Variants in RIN3 observed in about 807,000 individuals in gnomAD.
RIN3 encodes Ras and Rab interactor 3.
Under a neutral mutation model 76.3 loss-of-function variants are expected in RIN3, and 54 were observed. The ratio of observed to expected loss-of-function variants is 0.71; its 90% CI spans 0.57 to 0.89. The LOEUF (loss-of-function observed/expected upper bound fraction) is 0.89, where lower values mean the gene tolerates loss of function less well. Ranked by LOEUF, RIN3 falls within the 40% of genes least tolerant of loss-of-function variation. The pLI is 0.00. For synonymous variants in RIN3, 576 were observed against 564.0 expected (o/e 1.02, Z -0.30); for missense variants, 1,256 against 1,322.1 (o/e 0.95, Z 0.78).
At chr14:92,627,738 G>A (rs72699835) in intron 4 of RIN3, among the ~76,000 whole-genome samples, 15,220 of 152,274 alleles carry the variant, frequency 0.1, 969 homozygotes, top group Middle Eastern at 0.2. Context: ...AAGGCAGTGG[G>A]TCACGTCTCC....
At chr14:92,526,042 G>A (rs1484560981) in intron 1 of RIN3, among the ~76,000 whole-genome samples, 1 of 152,174 alleles carries the variant, frequency 6.6e-6, no homozygotes, top group Non-Finnish European at 1.5e-5. Flanking sequence ...TGCAGGCTCC[G>A]TGTGCCTGTC....
At chr14:92,609,651 C>A (rs569685439) in intron 3 of RIN3, among the ~76,000 whole-genome samples, 2 of 152,222 alleles carry the variant, frequency 1.3e-5, no homozygotes, top group Non-Finnish European at 2.9e-5. Flanking sequence ...GTCTCCTGGG[C>A]AGTAGGTGGC....
chr14:92,551,017 CCTTA>C (rs746174731), intron 1 of RIN3, among the ~76,000 whole-genome samples: 25 of 152,260 alleles, frequency 1.6e-4, no homozygotes, highest in Non-Finnish European at 3.4e-4. Flanking sequence ...CATGAATGCA[CCTTA>C]CTTTTTAATG....
chr14:92,607,716 C>T (rs1427065548), intron 3 of RIN3, among the ~76,000 whole-genome samples: 1 of 152,236 alleles, frequency 6.6e-6, no homozygotes, highest in Non-Finnish European at 1.5e-5. Context: ...CAGAAACTTA[C>T]ATGCCAATGT....
chr14:92,645,118 G>A (rs766779227), intron 5 of RIN3: 1 of 152,266 alleles, frequency 6.6e-6, no homozygotes, highest in African/African-American at 2.4e-5. Context: ...TGCTGACTCA[G>A]GTTCCTACTC....
chr14:92,540,614 G>C lies in RIN3; in HGVS notation c.45-15137G>C, dbSNP rs116233886. Among the ~76,000 whole-genome samples the C allele has an allele frequency of 2.1e-3, 317 of 152,284 alleles. 1 individual carries two copies. The highest frequency in any genetic ancestry group is 7.2e-3 in the African/African-American group (299 of 41,558). On this transcript the variant is annotated intron_variant, in intron 1 of 9. Coordinates refer to ENST00000216487, the MANE Select transcript of RIN3 (RefSeq NM_024832.5). Reference sequence around the variant, plus strand: ...AGCCTGGAACTGTGTTTTTGTTTCTGTATGCACCAAAGCCTGGGCCAGAGG... The same window carrying C: ...AGCCTGGAACTGTGTTTTTGTTTCTCTATGCACCAAAGCCTGGGCCAGAGG...
At position 92,648,623 on chromosome 14, in the gene RIN3, A is replaced by T. The variant is rs1887287432; in HGVS notation, c.533-2959A>T. Among the ~76,000 whole-genome samples the T allele has an allele frequency of 6.6e-6, 1 of 152,218 alleles. No individual in the cohort carries two copies. The highest frequency in any genetic ancestry group is 2.4e-5 in the African/African-American group (1 of 41,446). On this transcript the variant is annotated intron_variant, in intron 5 of 9. Coordinates refer to ENST00000216487, the MANE Select transcript of RIN3 (RefSeq NM_024832.5). This position sits in a 1 kb window ranked among gnomAD's most constrained non-coding sequence, Gnocchi z 4.1. ...TCCACTCATGGGTGCCAAGGGGCTGACACTGGGCCCCTGCTCTGGGCCAAG... is the reference window on the plus strand; with the variant it reads ...TCCACTCATGGGTGCCAAGGGGCTGTCACTGGGCCCCTGCTCTGGGCCAAG...
intron 5 of RIN3, among the ~76,000 whole-genome samples, chr14:92,650,470 G>A (rs1362340800): frequency 6.6e-6 from 1 of 152,244 alleles, no homozygotes; most frequent in African/African-American, 2.4e-5. Context: ...TATCCTTGAT[G>A]TTATTTTCCA....
At chr14:92,592,884 G>T (rs1205354196) in intron 3 of RIN3, among the ~76,000 whole-genome samples, 4 of 151,956 alleles carry the variant, frequency 2.6e-5, no homozygotes, top group Non-Finnish European at 5.9e-5. Context: ...ATGTTGGCCA[G>T]GCTGGTCTCG....
At chr14:92,547,951 G>T (rs146874146) in intron 1 of RIN3, among the ~76,000 whole-genome samples, 1 of 152,060 alleles carries the variant, frequency 6.6e-6, no homozygotes, top group Admixed American at 6.5e-5. Context: ...TGATCTGCCC[G>T]CCTTGGCCTA....
At chr14:92,525,387 T>C (rs186006530) in intron 1 of RIN3, among the ~76,000 whole-genome samples, 2 of 151,866 alleles carry the variant, frequency 1.3e-5, no homozygotes. Flanking sequence ...GTCAGCACCA[T>C]AAAGGGCACA....
chr14:92,647,305 T>C (rs1887236182), intron 5 of RIN3, among the ~76,000 whole-genome samples: 1 of 152,202 alleles, frequency 6.6e-6, no homozygotes, highest in Non-Finnish European at 1.5e-5. Context: ...GGTGTAATCT[T>C]GGACTTTAAG....
At chr14:92,631,141 C>T (rs1190462398) in intron 4 of RIN3, among the ~76,000 whole-genome samples, 2 of 152,236 alleles carry the variant, frequency 1.3e-5, no homozygotes, top group Non-Finnish European at 2.9e-5. Flanking sequence ...CAGCACCATG[C>T]TGAACCACAG....
intron 1 of RIN3, among the ~76,000 whole-genome samples, chr14:92,550,927 C>T (rs575036239): frequency 2.0e-4 from 30 of 152,304 alleles, no homozygotes; most frequent in African/African-American, 7.0e-4. Context: ...CTTGAAAGAA[C>T]TTTGCAGTAA....
At chr14:92,571,966 G>A (rs1254998377) in intron 2 of RIN3, among the ~76,000 whole-genome samples, 1 of 152,208 alleles carries the variant, frequency 6.6e-6, no homozygotes, top group East Asian at 1.9e-4. Context: ...GACCAAGGGG[G>A]CATAAGGCAG....
At chr14:92,625,197 T>C (rs976884154) in intron 4 of RIN3, among the ~76,000 whole-genome samples, 2 of 152,194 alleles carry the variant, frequency 1.3e-5, no homozygotes, top group Admixed American at 1.3e-4. Context: ...GGCCAACATC[T>C]GTTTGAGGGG....
intron 1 of RIN3, among the ~76,000 whole-genome samples, chr14:92,536,974 C>T (rs1897016012): frequency 6.6e-6 from 1 of 151,326 alleles, no homozygotes; most frequent in Non-Finnish European, 1.5e-5. Flanking sequence ...TAATTTATTT[C>T]CGAGTAGGTA....
chr14:92,619,377 A>AC lies in RIN3; in HGVS notation c.440+3898_440+3899insC, dbSNP rs529570782. Among the ~76,000 whole-genome samples the AC allele has an allele frequency of 1.4e-4, 22 of 152,088 alleles. 1 individual carries two copies. Among genetic ancestry groups the AC allele is most frequent in the East Asian group, 9.6e-4 (5 of 5,186 alleles). ...CCTTTTATAACCTTTTACAAAAAAA[A>AC]ACACACACACATTCTACTGTTCTTA... On this transcript the variant is annotated intron_variant, in intron 4 of 9. Coordinates refer to ENST00000216487, the MANE Select transcript of RIN3 (RefSeq NM_024832.5).
At chr14:92,591,159 A>T (rs1884964454) in intron 3 of RIN3, among the ~76,000 whole-genome samples, 1 of 152,226 alleles carries the variant, frequency 6.6e-6, no homozygotes, top group Admixed American at 6.5e-5. Context: ...AACCAAAAAA[A>T]TGCTAGAGAC....
Sources: allele counts gnomAD v4.1 joint callset (sites outside exome capture counted in the v4.1 genomes callset), GRCh38; gene constraint gnomAD v4.1.1; non-coding constraint Gnocchi (gnomAD v3.1); transcripts MANE v1.5; gene names NCBI Gene and HGNC (gene_info 2026-07-23, HGNC 2026-07-21).